Variants in VPS33A observed in about 807,000 individuals in gnomAD.
VPS33A encodes the protein vacuolar protein sorting-associated protein 33A.
A neutral mutation model predicts 71.8 loss-of-function variants in VPS33A; 32 were observed. That is an observed-to-expected ratio of 0.45 (90% CI 0.34 to 0.60). VPS33A has a LOEUF of 0.60. VPS33A is among the 20% of genes least tolerant of loss of function. VPS33A has a pLI of 0.02. For missense variants in VPS33A, 625 were observed against 748.5 expected, an observed-to-expected ratio of 0.84 and a Z score of 1.92; for synonymous variants, 311 against 292.7, an observed-to-expected ratio of 1.06 and a Z score of -0.64.
chr12:122,239,779 A>AAG (rs1954688668), intron 9 of VPS33A, 99 bp downstream of exon 9: 1 of 507,356 alleles, frequency 2.0e-6, no homozygotes, highest in African/African-American at 2.3e-5. Flanking sequence ...AAAAAAAAAA[A>AAG]GGCAAGGCAT....
intron 10 of VPS33A, among the ~76,000 whole-genome samples, chr12:122,237,769 T>G (rs1485476707): frequency 1.4e-5 from 2 of 145,898 alleles, no homozygotes; most frequent in African/African-American, 5.4e-5. Flanking sequence ...CTATAAAGTT[T>G]TTCCAATAGA....
At chr12:122,251,443 T>C (rs988375108) in intron 4 of VPS33A, among the ~76,000 whole-genome samples, 1 of 152,100 alleles carries the variant, frequency 6.6e-6, no homozygotes, top group Non-Finnish European at 1.5e-5. Flanking sequence ...GGGTTCCCAT[T>C]CACTGGTGAG....
At chr12:122,239,749 CAAAAAAAAAAAAAA>C (rs5801475) in intron 9 of VPS33A, 115 bp downstream of exon 9, 18,955 of 197,120 alleles carry the variant, frequency 0.096, 328 homozygotes, top group South Asian at 0.11. Context: ...GACTCCGTCT[CAAAAAAAAAAAAAA>C]AAAAAAAAAA....
chr12:122,234,706 A>G (rs1012117869), intron 11 of VPS33A, among the ~76,000 whole-genome samples: 19 of 151,696 alleles, frequency 1.3e-4, no homozygotes, highest in Non-Finnish European at 2.2e-4. Flanking sequence ...ACACCAACAC[A>G]CTCCAATGCC....
intron 3 of VPS33A, among the ~76,000 whole-genome samples, chr12:122,261,963 C>A (rs919246106): frequency 6.6e-6 from 1 of 152,144 alleles, no homozygotes; most frequent in African/African-American, 2.4e-5. Flanking sequence ...GACCACGCCA[C>A]TGCATTCCAG....
intron 6 of VPS33A, among the ~76,000 whole-genome samples, chr12:122,246,441 A>G (rs1396239015): frequency 6.6e-6 from 1 of 151,698 alleles, no homozygotes; most frequent in Non-Finnish European, 1.5e-5. Flanking sequence ...CTAGGATTAC[A>G]GGCGCCCGCC....
intron 8 of VPS33A, among the ~76,000 whole-genome samples, chr12:122,241,643 A>T (rs1034394675): frequency 3.3e-5 from 5 of 151,002 alleles, no homozygotes; most frequent in African/African-American, 1.2e-4. Context: ...ACCAGGCTGG[A>T]GTGCAGTGGC....
At position 122,266,412 on chromosome 12, in the gene VPS33A, G is replaced by A; in HGVS notation, c.-4C>T. The A allele has an allele frequency of 1.9e-6, 3 of 1,609,112 alleles. No individual in the cohort carries two copies. Among genetic ancestry groups the A allele is most frequent in the Admixed American group, 1.7e-5 (1 of 59,854 alleles). On this transcript the variant is annotated 5_prime_UTR_variant, in exon 1 of 13. Transcript: ENST00000267199. Reference sequence around the variant, plus strand: ...CGTAGGACAGATGAGCCGCCATCTTGCTCCACCACCCCCTGCCCCACAACG... The same window carrying A: ...CGTAGGACAGATGAGCCGCCATCTTACTCCACCACCCCCTGCCCCACAACG...
intron 7 of VPS33A, among the ~76,000 whole-genome samples, 166 bp from the exon 8 acceptor site, chr12:122,242,674 T>C (rs959196083): frequency 1.3e-5 from 2 of 152,166 alleles, no homozygotes; most frequent in Non-Finnish European, 2.9e-5. Context: ...TGCCTCAGCC[T>C]CCCGAGTAGC....
chr12:122,261,515 T>G, intron 3 of VPS33A, 68 bp from the exon 4 acceptor site: 1 of 1,461,264 alleles, frequency 6.8e-7, no homozygotes, highest in Non-Finnish European at 9.5e-7. Context: ...GCTTTTTTTA[T>G]CCCCACTGCC....
In VPS33A at chr12:122,232,421, G is replaced by A. The variant is rs767182762; in HGVS notation, c.1616C>T (p.Pro539Leu). The A allele has an allele frequency of 3.4e-5, 55 of 1,609,916 alleles. No homozygotes were observed. Among genetic ancestry groups the A allele is most frequent in the African/African-American group, 4.0e-5 (3 of 74,686 alleles). The change falls in exon 13 of 13, where the codon CCG (proline) becomes CTG (leucine). Residue 539 changes from proline (P) to leucine (L), a missense_variant. By Grantham distance (98) the Pro-to-Leu change is moderately conservative. Transcript: ENST00000267199. ...LPTGLQKKRQ[P>L]GENRVTLIFF... is the part of the protein sequence containing the mutation. ...TATCAGAGTCACTCGGTTTTCTCCCGGTTGACCTAAAATTTAAACATTTCA... is the reference window on the plus strand; with the variant it reads ...TATCAGAGTCACTCGGTTTTCTCCCAGTTGACCTAAAATTTAAACATTTCA...
chr12:122,250,134 G>C, intron 5 of VPS33A, 89 bp from the exon 6 acceptor site: 11 of 1,363,634 alleles, frequency 8.1e-6, no homozygotes, highest in Non-Finnish European at 1.1e-5. Context: ...AATCAAAAAA[G>C]TAAAAAAGGA....
chr12:122,252,555 C>T (rs890510808), intron 4 of VPS33A, among the ~76,000 whole-genome samples: 1 of 151,860 alleles, frequency 6.6e-6, no homozygotes, highest in African/African-American at 2.4e-5. Context: ...CAGGCGTGAG[C>T]CACCGCGCCC....
Position 122,251,690 on chromosome 12 carries a change from C to T in VPS33A, c.484-591G>A, listed in dbSNP as rs545326845. 2.0e-3 allele frequency among the ~76,000 whole-genome samples: 299 copies of T among 151,982 alleles called. 1 individual carries two copies. Among genetic ancestry groups the T allele is most frequent in the African/African-American group, 6.9e-3 (287 of 41,456 alleles). ...ATCACAAGGACAAAAAAACAAACAC[C>T]GCATGTTCTCACTCATAGGTGGGAA... On this transcript the variant is annotated intron_variant, in intron 4 of 12. Transcript: ENST00000267199.
intron 1 of VPS33A, 146 bp from the exon 2 acceptor site, chr12:122,264,345 A>G: frequency 1.9e-6 from 1 of 528,612 alleles, no homozygotes; most frequent in Non-Finnish European, 3.1e-6. Flanking sequence ...TAAAATAATA[A>G]TAATACATAA....
intron 4 of VPS33A, among the ~76,000 whole-genome samples, chr12:122,254,404 C>T (rs1373639169): frequency 4.2e-5 from 4 of 95,134 alleles, no homozygotes; most frequent in South Asian, 3.7e-4. Context: ...CACCCCCCCG[C>T]CTTTTTTTTT....
chr12:122,244,906 T>G (rs1474426631), intron 6 of VPS33A, 144 bp from the exon 7 acceptor site: 1 of 767,940 alleles, frequency 1.3e-6, no homozygotes, highest in African/African-American at 1.8e-5. Context: ...TGATTTTCCA[T>G]GATCAAAGTA....
chr12:122,235,862 G>T lies in VPS33A; in HGVS notation c.1364C>A (p.Pro455Gln). 6.2e-7 allele frequency: 1 copy of T among 1,613,626 alleles called. No homozygotes were observed. Among genetic ancestry groups the T allele is most frequent in the South Asian group, 1.1e-5 (1 of 90,998 alleles). Residue 455 changes from proline to glutamine, a missense_variant, in exon 11 of 13, where the codon CCG becomes CAG. Transcript: ENST00000267199. ...GTAATTGTTTCTGCCCCCCGTCTGC[G>T]GTTTCAGCAGGCCGGCCTTCTCCAG... ...HNLEKAGLLK[P>Q]QTGGRNNYPT...
At chr12:122,241,297 TTC>T (rs971611305) in intron 8 of VPS33A, among the ~76,000 whole-genome samples, 5 of 152,136 alleles carry the variant, frequency 3.3e-5, no homozygotes, top group Admixed American at 1.3e-4. Context: ...CTTCCTCTCT[TTC>T]TCTTTTTCTT....
Sources: allele counts gnomAD v4.1 joint callset (sites outside exome capture counted in the v4.1 genomes callset), GRCh38; gene constraint gnomAD v4.1.1; transcripts MANE v1.5; gene names NCBI Gene and HGNC (gene_info 2026-07-23, HGNC 2026-07-21).